The following OPN5 variants were observed in gnomAD, a reference collection of about 807,000 sequenced individuals.
OPN5 encodes the protein opsin-5.
A neutral mutation model predicts 41.7 loss-of-function variants in OPN5; 18 were observed. That is an observed-to-expected ratio of 0.43 (90% CI 0.30 to 0.64). The LOEUF is 0.64. OPN5 is among the 30% of genes least tolerant of loss of function. The pLI, the probability that OPN5 is intolerant of heterozygous loss-of-function variation, is 0.13. For missense variants in OPN5, 318 were observed against 434.5 expected, an observed-to-expected ratio of 0.73 and a Z score of 2.38; for synonymous variants, 178 against 164.3, an observed-to-expected ratio of 1.08 and a Z score of -0.64.
chr6:47,797,821 T>C (rs1437069164), intron 4 of OPN5, among the ~76,000 whole-genome samples: 1 of 152,194 alleles, frequency 6.6e-6, no homozygotes, highest in Non-Finnish European at 1.5e-5. Flanking sequence ...TCTCCCAGTT[T>C]GTTACCCATC....
intron 4 of OPN5, among the ~76,000 whole-genome samples, chr6:47,806,818 A>G (rs9473195): frequency 0.14 from 20,537 of 152,044 alleles, 1,483 homozygotes; most frequent in Middle Eastern, 0.16. Flanking sequence ...TTGTTTCACC[A>G]CTATTTCTTT....
At chr6:47,789,226 G>C (rs1773289607) in intron 2 of OPN5, among the ~76,000 whole-genome samples, 2 of 152,024 alleles carry the variant, frequency 1.3e-5, no homozygotes, top group South Asian at 4.1e-4. Flanking sequence ...AAGTTTATTT[G>C]ACTTCTTTCC....
rs372232172 is a variant in OPN5, at chr6:47,798,411, G to A, written c.756+2848G>A. ...GCACATATCCCATTTAATTTGATTT[G>A]TTGTATTATTCCGCTTGACTTGGAC... On this transcript the variant is annotated intron_variant, in intron 4 of 6. Coordinates refer to ENST00000371211, the Ensembl canonical transcript of OPN5. Among the ~76,000 whole-genome samples, 224 of 151,452 alleles carry A rather than the reference G, an allele frequency of 1.5e-3. 1 individual carries two copies. The highest frequency in any genetic ancestry group is 4.6e-3 in the African/African-American group (189 of 41,366).
At chr6:47,816,372 T>G (rs1762429798) in intron 6 of OPN5, among the ~76,000 whole-genome samples, 1 of 152,158 alleles carries the variant, frequency 6.6e-6, no homozygotes, top group Non-Finnish European at 1.5e-5. Context: ...GGAATTGATT[T>G]GCATATGTCT....
intron 2 of OPN5, among the ~76,000 whole-genome samples, chr6:47,790,895 T>A (rs1326420269): frequency 6.6e-6 from 1 of 152,126 alleles, no homozygotes; most frequent in African/African-American, 2.4e-5. Flanking sequence ...TATCTTGGGG[T>A]GTTAGAAACC....
chr6:47,787,772 G>A (rs1018058326), intron 2 of OPN5, among the ~76,000 whole-genome samples: 5 of 151,966 alleles, frequency 3.3e-5, no homozygotes, highest in African/African-American at 9.7e-5. Context: ...TGGGTATTGG[G>A]TAAAACTAAA....
Position 47,796,548 on chromosome 6 carries a change from C to T in OPN5, c.756+985C>T, listed in dbSNP as rs537352096. On this transcript the variant is annotated intron_variant, in intron 4 of 6. Coordinates refer to ENST00000371211, the Ensembl canonical transcript of OPN5. ...CCTAATTTAACCCCCCAAATTTTCT[C>T]TTCTATTTTAAAGATAAAAATAAAG... Among the ~76,000 whole-genome samples, 4 of 152,146 alleles carry T rather than the reference C, an allele frequency of 2.6e-5. 1 individual carries two copies. The highest frequency in any genetic ancestry group is 4.2e-4 in the South Asian group (2 of 4,812).
At chr6:47,786,452 T>A in intron 1 of OPN5, 63 bp from the exon 2 acceptor site, 1 of 1,454,496 alleles carries the variant, frequency 6.9e-7, no homozygotes, top group Non-Finnish European at 9.6e-7. Flanking sequence ...TGAGAAGTGT[T>A]TCATATCTGA....
intron 4 of OPN5, among the ~76,000 whole-genome samples, chr6:47,804,455 A>G (rs1773888271): frequency 6.6e-6 from 1 of 152,220 alleles, no homozygotes; most frequent in Non-Finnish European, 1.5e-5. Flanking sequence ...CAGACTGATG[A>G]AAAGATTAAA....
At chr6:47,787,721 G>A (rs895268561) in intron 2 of OPN5, among the ~76,000 whole-genome samples, 1 of 152,134 alleles carries the variant, frequency 6.6e-6, no homozygotes, top group African/African-American at 2.4e-5. Context: ...GGGCAATGTA[G>A]TGGGACTTCA....
downstream of OPN5, chr6:47,825,103 C>T (rs1186172021): frequency 6.6e-6 from 1 of 152,048 alleles, no homozygotes; most frequent in Non-Finnish European, 1.5e-5. Flanking sequence ...GAAGGGCCAG[C>T]CAGGAGTCTG....
At chr6:47,818,315 C>T (rs1248756596) in intron 6 of OPN5, among the ~76,000 whole-genome samples, 1 of 152,168 alleles carries the variant, frequency 6.6e-6, no homozygotes, top group African/African-American at 2.4e-5. Flanking sequence ...GACATTCCAT[C>T]CATGTAGAAG....
rs772883760 is a variant in OPN5, at chr6:47,811,657, T to C, written c.999-17T>C. The C allele has an allele frequency of 1.1e-5, 18 of 1,599,050 alleles. No individual in the cohort carries two copies. In the Middle Eastern group the frequency reaches 5.0e-4, roughly 44 times the overall value. Reference sequence around the variant, plus strand: ...ATATGTAGATATTAAATTGCATTTTTCTTCTCCTATATCTAGGCTGCACAC... The same window carrying C: ...ATATGTAGATATTAAATTGCATTTTCCTTCTCCTATATCTAGGCTGCACAC... On this transcript the variant is annotated splice_polypyrimidine_tract_variant and intron_variant, in intron 5 of 6. Transcript: ENST00000371211.
rs5876036 is a variant in OPN5 at position 47,820,133 on chromosome 6, T to TAG, written c.1057-3818_1057-3817dup. The stretch of plus-strand genomic sequence containing the variant: ...GTCTATAGCTGCTTCTCCTTTTGAA[T>TAG]AGAGAGAGAGAGAGAGAGAGAGAGA... On this transcript the variant is annotated intron_variant, in intron 6 of 6. Coordinates refer to ENST00000371211, the Ensembl canonical transcript of OPN5. Among the ~76,000 whole-genome samples the TAG allele has an allele frequency of 7.2e-3, 1,074 of 149,482 alleles. 7 individuals are homozygous for TAG. The highest frequency in any genetic ancestry group is 0.016 in the African/African-American group (655 of 40,580).
At chr6:47,812,690 C>T (rs1762287339) in intron 6 of OPN5, among the ~76,000 whole-genome samples, 1 of 152,158 alleles carries the variant, frequency 6.6e-6, no homozygotes, top group African/African-American at 2.4e-5. Flanking sequence ...GCAGGGCCAT[C>T]TACATTGCAG....
At chr6:47,813,884 C>T (rs190611008) in intron 6 of OPN5, among the ~76,000 whole-genome samples, 2 of 151,534 alleles carry the variant, frequency 1.3e-5, no homozygotes, top group African/African-American at 4.9e-5. Flanking sequence ...CGGTGTCTAC[C>T]GAGGGGAAAA....
chr6:47,812,394 A>T (rs1442306378), intron 6 of OPN5, among the ~76,000 whole-genome samples: 1 of 152,216 alleles, frequency 6.6e-6, no homozygotes, highest in Non-Finnish European at 1.5e-5. Context: ...TGGATGTAAC[A>T]GGGCATTATG....
exon 1 of OPN5, chr6:47,782,122 G>C (rs1240730978): frequency 6.2e-7 from 1 of 1,613,480 alleles, no homozygotes; most frequent in African/African-American, 1.3e-5. Flanking sequence ...CATTACCTTC[G>C]AGATGGGGAT....
At chr6:47,823,852 C>T in intron 6 of OPN5, 131 bp from the exon 7 acceptor site, 1 of 722,926 alleles carries the variant, frequency 1.4e-6, no homozygotes, top group East Asian at 2.7e-5. Context: ...ATCTCAGTGA[C>T]AATGTCCATC....
Sources: allele counts gnomAD v4.1 joint callset (sites outside exome capture counted in the v4.1 genomes callset), GRCh38; gene constraint gnomAD v4.1.1; transcripts MANE v1.5; gene names NCBI Gene and HGNC (gene_info 2026-07-23, HGNC 2026-07-21).